Variants in FBXO38 observed in about 807,000 individuals in gnomAD.
The protein encoded by FBXO38 is F-box protein 38, also known as F-box only protein 38.
A neutral mutation model predicts 131.9 loss-of-function variants in FBXO38; 53 were observed. The observed-to-expected ratio is 0.40, with a 90% CI of 0.32 to 0.51. The LOEUF (loss-of-function observed/expected upper bound fraction) is 0.51, where lower values mean the gene tolerates loss of function less well. Ranked by LOEUF, FBXO38 falls within the 20% of genes least tolerant of loss-of-function variation. The probability of loss-of-function intolerance (pLI) is 0.53; values close to 1 mark genes in which losing one functional copy is unlikely to be tolerated. For synonymous variants in FBXO38, 452 were observed against 505.6 expected, an observed-to-expected ratio of 0.89 and a Z score of 1.42; for missense variants, 1,076 against 1,475.6, an observed-to-expected ratio of 0.73 and a Z score of 4.44.
chr5:148,433,766 A>G (rs1437950259), intron 17 of FBXO38, 29 bp downstream of exon 17: 1 of 1,257,288 alleles, frequency 8.0e-7, no homozygotes, highest in East Asian at 2.4e-5. Context: ...ATTATACAAG[A>G]GTATCATGAA....
At chr5:148,386,151 T>A (rs1757901960) in intron 1 of FBXO38, among the ~76,000 whole-genome samples, 1 of 152,138 alleles carries the variant, frequency 6.6e-6, no homozygotes, top group Non-Finnish European at 1.5e-5. Flanking sequence ...CCATAAATCC[T>A]AATTGGTGAA....
Position 148,426,800 on chromosome 5 carries a change from A to C in FBXO38, c.1919-413A>C, listed in dbSNP as rs1408669279. Among the ~76,000 whole-genome samples the C allele has an allele frequency of 2.0e-5, 3 of 152,326 alleles. No homozygotes were observed. The South Asian group carries it at 6.2e-4, about 32-fold the overall frequency. ...AGTAATATTACAGGGCATATACTAC[A>C]ACTACAGTTGCTTTGGGGTGGGGGT... On this transcript the variant is annotated intron_variant, in intron 14 of 21. Coordinates refer to ENST00000340253, the MANE Select transcript of FBXO38 (RefSeq NM_205836.3).
intron 21 of FBXO38, 101 bp from the exon 22 acceptor site, chr5:148,441,868 T>G (rs1347688507): frequency 2.3e-6 from 2 of 881,234 alleles, no homozygotes; most frequent in East Asian, 5.4e-5. Flanking sequence ...AGTTACATTA[T>G]AGTGCAGTAT....
Position 148,441,286 on chromosome 5 carries a change from A to G in FBXO38, c.3388+49A>G, listed in dbSNP as rs547175512. The G allele has an allele frequency of 3.9e-6, 5 of 1,283,896 alleles. No individual in the cohort carries two copies. In the South Asian group the frequency reaches 6.0e-5, roughly 15 times the overall value. 79.5% of individuals were successfully genotyped at this position (1,283,896 alleles called of 1,614,324 possible). On this transcript the variant is annotated intron_variant, in intron 21 of 21. Coordinates refer to ENST00000340253, the MANE Select transcript of FBXO38 (RefSeq NM_205836.3). ...CTATTCTCTAGTTTAAGTATAGCCT[A>G]CTGTGTTACATACTTAATATCTTTT...
intron 9 of FBXO38, among the ~76,000 whole-genome samples, chr5:148,411,966 A>T (rs899290230): frequency 6.6e-6 from 1 of 152,158 alleles, no homozygotes; most frequent in African/African-American, 2.4e-5. Flanking sequence ...AAAAGCTCAG[A>T]ACTTGACAAA....
At chr5:148,401,671 G>T (rs1432146281) in intron 3 of FBXO38, among the ~76,000 whole-genome samples, 1 of 152,102 alleles carries the variant, frequency 6.6e-6, no homozygotes, top group Admixed American at 6.6e-5. Flanking sequence ...CCACCAAATA[G>T]GTCCAAGTTA....
intron 17 of FBXO38, among the ~76,000 whole-genome samples, chr5:148,437,924 G>A (rs1384187096): frequency 6.6e-6 from 1 of 151,354 alleles, no homozygotes; most frequent in Non-Finnish European, 1.5e-5. Context: ...CTACTTTTAC[G>A]TTTGTGACAG....
intron 7 of FBXO38, among the ~76,000 whole-genome samples, chr5:148,407,682 T>C (rs1752516823): frequency 6.6e-6 from 1 of 152,064 alleles, no homozygotes. Context: ...CCCAGCACTT[T>C]GGGAGGCCGA....
At chr5:148,439,893 C>G in intron 19 of FBXO38, 101 bp downstream of exon 19, 1 of 1,200,688 alleles carries the variant, frequency 8.3e-7, no homozygotes, top group Non-Finnish European at 1.2e-6. Flanking sequence ...ATGATTCCAT[C>G]TAAGCTTTTC....
At chr5:148,401,196 G>A (rs1044752359) in intron 3 of FBXO38, among the ~76,000 whole-genome samples, 2 of 152,040 alleles carry the variant, frequency 1.3e-5, no homozygotes, top group African/African-American at 2.4e-5. Flanking sequence ...AAATAAAAAA[G>A]CCCTTGTAAC....
intron 3 of FBXO38, among the ~76,000 whole-genome samples, chr5:148,400,796 C>T (rs867216827): frequency 3.9e-5 from 6 of 152,130 alleles, no homozygotes; most frequent in Admixed American, 6.5e-5. Context: ...TTTTAGATTC[C>T]AGCACTGCCA....
Position 148,438,499 on chromosome 5 carries a change from G to A in FBXO38, c.3024+1G>A, listed in dbSNP as rs1168234186. On this transcript the variant is annotated splice_donor_variant, in intron 18 of 21. Coordinates refer to ENST00000340253, the MANE Select transcript of FBXO38 (RefSeq NM_205836.3). LOFTEE classifies it high-confidence loss of function. ...CATATACCTACGCCCAATGCAGCAGGTAACGAGCTTTGCTTCTTTCCGATG... is the reference window on the plus strand; with the variant it reads ...CATATACCTACGCCCAATGCAGCAGATAACGAGCTTTGCTTCTTTCCGATG... 6.2e-7 allele frequency: 1 copy of A among 1,607,302 alleles called. No individual in the cohort carries two copies. The highest frequency in any genetic ancestry group is 1.3e-5 in the African/African-American group (1 of 74,418).
At chr5:148,414,614 C>G (rs945912822) in intron 10 of FBXO38, among the ~76,000 whole-genome samples, 1 of 152,050 alleles carries the variant, frequency 6.6e-6, no homozygotes, top group Non-Finnish European at 1.5e-5. Flanking sequence ...TTACCTAGGA[C>G]TTAGGATATT....
In FBXO38 at chr5:148,427,925, T is replaced by G; in HGVS notation, c.2631T>G (p.His877Gln). Residue 877 changes from histidine to glutamine, a missense_variant, in exon 15 of 22, where the codon CAT (histidine) becomes CAG (glutamine). Coordinates refer to ENST00000340253, the MANE Select transcript of FBXO38 (RefSeq NM_205836.3). ...CCAGGGCCAGGAGCAGACTGTCCCA[T>G]GTACTGCTGGTATCTGAGTCAGGTA... is the stretch of plus-strand genomic sequence containing the variant. ...PLTRARSRLSHVLLVSESEVA... is the reference protein window; with the variant it reads ...PLTRARSRLSQVLLVSESEVA... 1 of 1,518,788 alleles carries G rather than the reference T, an allele frequency of 6.6e-7. No homozygotes were observed. Among genetic ancestry groups the G allele is most frequent in the Non-Finnish European group, 8.8e-7 (1 of 1,134,662 alleles). The allele number at this position is 1,518,788 out of a possible 1,614,324, so 94.1% of individuals were successfully genotyped here.
chr5:148,406,424 T>C, intron 7 of FBXO38, 30 bp downstream of exon 7: 1 of 1,498,048 alleles, frequency 6.7e-7, no homozygotes, highest in African/African-American at 1.4e-5. Flanking sequence ...ACTAAATATT[T>C]TTTAAAAATC....
At chr5:148,399,328 T>C (rs1379347267) in intron 3 of FBXO38, 196 bp downstream of exon 3, 1 of 579,778 alleles carries the variant, frequency 1.7e-6, no homozygotes, top group Admixed American at 3.2e-5. Context: ...GTTTTAATAG[T>C]CTGCTCTTTT....
At chr5:148,407,660 C>CACGCCTGT (rs1166517887) in intron 7 of FBXO38, among the ~76,000 whole-genome samples, 1 of 151,870 alleles carries the variant, frequency 6.6e-6, no homozygotes, top group Admixed American at 6.5e-5. Flanking sequence ...CGCAGTGGCC[C>CACGCCTGT]ACGCCTGTAA....
rs77843412 is a variant in FBXO38, at chr5:148,400,259, G to A, written c.262+1127G>A. Among the ~76,000 whole-genome samples, 1,706 of 152,114 alleles carry A rather than the reference G, an allele frequency of 0.011. 97 individuals carry two copies. The East Asian group carries it at 0.16, about 14-fold the overall frequency. ...TCTCATCTTGTTTCAGAATGATCCT[G>A]TATGTCAGGAAAGAAAAAAAATTAG... On this transcript the variant is annotated intron_variant, in intron 3 of 21. Transcript: ENST00000340253.
rs1581256311 is a variant in FBXO38 at position 148,414,275 on chromosome 5, T to C, written c.1233T>C (p.Pro411=). The C allele has an allele frequency of 1.9e-6, 3 of 1,583,174 alleles. No individual in the cohort carries two copies. Among genetic ancestry groups the C allele is most frequent in the Non-Finnish European group, 2.6e-6 (3 of 1,164,280 alleles). Residue 411 remains proline (P), a synonymous_variant, in exon 10 of 22, where the codon CCT becomes CCC. Transcript: ENST00000340253. The part of the protein sequence containing the change: ...CIKYLAIYNC[P]HLHNPYNWIS... ...AATATCTGGCAATTTACAATTGCCC[T>C]CATCTACACAACCCATACAATTGGA...
Sources: allele counts gnomAD v4.1 joint callset (sites outside exome capture counted in the v4.1 genomes callset), GRCh38; gene constraint gnomAD v4.1.1; transcripts MANE v1.5; gene names NCBI Gene and HGNC (gene_info 2026-07-23, HGNC 2026-07-21).